Variants in KCNH1 observed in about 807,000 individuals in gnomAD.
KCNH1 encodes voltage-gated delayed rectifier potassium channel KCNH1.
A neutral mutation model predicts 69.2 loss-of-function variants in KCNH1; 27 were observed. The ratio of observed to expected loss-of-function variants is 0.39; its 90% CI spans 0.29 to 0.54. The LOEUF is 0.54. Ranked by LOEUF, KCNH1 falls within the 20% of genes least tolerant of loss-of-function variation. The probability of loss-of-function intolerance (pLI) is 0.68; values close to 1 mark genes in which losing one functional copy is unlikely to be tolerated. For missense variants in KCNH1, 798 were observed against 1,261.6 expected (o/e 0.63, Z 5.57); for synonymous variants, 456 against 487.7 (o/e 0.93, Z 0.86).
chr1:211,061,185 C>G (rs756999483), intron 5 of KCNH1, among the ~76,000 whole-genome samples: 4 of 152,076 alleles, frequency 2.6e-5, no homozygotes, highest in Non-Finnish European at 5.9e-5. Context: ...TGCTGCATAT[C>G]AACAGAATGA....
chr1:210,965,953 T>A (rs1415333042), intron 6 of KCNH1, among the ~76,000 whole-genome samples: 15 of 152,156 alleles, frequency 9.9e-5, no homozygotes, highest in Admixed American at 9.8e-4. Context: ...AGAACAAAGC[T>A]GGAGGTATCA....
intron 5 of KCNH1, among the ~76,000 whole-genome samples, chr1:211,029,539 G>C (rs907758207): frequency 6.6e-6 from 1 of 151,416 alleles, no homozygotes; most frequent in Non-Finnish European, 1.5e-5. Flanking sequence ...AATAGAAATA[G>C]AGGAGAACTT....
chr1:210,792,901 A>G (rs1230892203), intron 9 of KCNH1, among the ~76,000 whole-genome samples: 1 of 152,182 alleles, frequency 6.6e-6, no homozygotes, highest in East Asian at 1.9e-4. Flanking sequence ...TGACTCATCT[A>G]TGTTGGTGAG....
intron 10 of KCNH1, among the ~76,000 whole-genome samples, chr1:210,737,302 A>G (rs1454396975): frequency 2.0e-5 from 3 of 152,196 alleles, no homozygotes; most frequent in Non-Finnish European, 2.9e-5. Context: ...TCAGGTGCAT[A>G]ATGAAAAGGT....
At chr1:210,970,136 T>C (rs903559218) in intron 6 of KCNH1, among the ~76,000 whole-genome samples, 6 of 151,942 alleles carry the variant, frequency 3.9e-5, no homozygotes, top group African/African-American at 1.4e-4. Flanking sequence ...CCAGGATACA[T>C]GTGCAGAATG....
intron 7 of KCNH1, among the ~76,000 whole-genome samples, chr1:210,911,033 T>C (rs1229732659): frequency 6.6e-6 from 1 of 152,046 alleles, no homozygotes; most frequent in African/African-American, 2.4e-5. Flanking sequence ...AAGTTAACTG[T>C]GGAGAAAATA....
intron 7 of KCNH1, among the ~76,000 whole-genome samples, chr1:210,910,262 G>T (rs61262114): frequency 0.016 from 2,183 of 138,780 alleles, 70 homozygotes; most frequent in African/African-American, 0.057. Flanking sequence ...ACAGTCAGAG[G>T]TGGTCATCAA....
intron 7 of KCNH1, among the ~76,000 whole-genome samples, chr1:210,819,624 A>G (rs1684885958): frequency 6.6e-6 from 1 of 152,140 alleles, no homozygotes; most frequent in Non-Finnish European, 1.5e-5. Context: ...ACAGCATTCA[A>G]TTTGTATTTA....
intron 5 of KCNH1, among the ~76,000 whole-genome samples, chr1:211,080,972 T>C (rs1418218206): frequency 2.6e-5 from 4 of 151,848 alleles, no homozygotes; most frequent in Admixed American, 2.6e-4. Flanking sequence ...CAAATGAGAT[T>C]TAATTAAACT....
At chr1:210,891,155 G>A (rs759615799) in intron 7 of KCNH1, among the ~76,000 whole-genome samples, 1 of 152,140 alleles carries the variant, frequency 6.6e-6, no homozygotes, top group Admixed American at 6.5e-5. Context: ...GTCCATCAAT[G>A]ATAGACTGGA....
intron 7 of KCNH1, among the ~76,000 whole-genome samples, chr1:210,897,277 T>C (rs1289395878): frequency 3.3e-5 from 5 of 152,220 alleles, no homozygotes; most frequent in East Asian, 1.9e-4. Flanking sequence ...AATCCTCTTA[T>C]CTAAGAGCAG....
At chr1:210,992,679 C>T (rs1373045626) in intron 6 of KCNH1, among the ~76,000 whole-genome samples, 1 of 152,084 alleles carries the variant, frequency 6.6e-6, no homozygotes, top group East Asian at 1.9e-4. Context: ...TGTTACCATG[C>T]TATTTGTTGC....
chr1:210,926,784 A>G (rs1687583995), intron 6 of KCNH1, among the ~76,000 whole-genome samples: 1 of 152,176 alleles, frequency 6.6e-6, no homozygotes, highest in Non-Finnish European at 1.5e-5. Context: ...GCACCAGAGA[A>G]AGGTGAAGTC....
At chr1:210,949,872 T>C (rs116499147) in intron 6 of KCNH1, among the ~76,000 whole-genome samples, 39 of 152,308 alleles carry the variant, frequency 2.6e-4, no homozygotes, top group African/African-American at 8.4e-4. Context: ...GATAACATTA[T>C]ACGAAGATGC....
At chr1:210,700,352 C>A (rs1681743537) in intron 10 of KCNH1, among the ~76,000 whole-genome samples, 1 of 152,106 alleles carries the variant, frequency 6.6e-6, no homozygotes, top group Non-Finnish European at 1.5e-5. Flanking sequence ...TATGGAGTGT[C>A]CGAGCCAGCT....
intron 5 of KCNH1, among the ~76,000 whole-genome samples, chr1:211,039,096 T>C (rs577033433): frequency 2.5e-4 from 38 of 152,150 alleles, no homozygotes; most frequent in Non-Finnish European, 4.6e-4. Flanking sequence ...CCCTGTGCTG[T>C]GTGCAGCCTA....
At chr1:210,793,207 T>C (rs1415237253) in intron 9 of KCNH1, among the ~76,000 whole-genome samples, 1 of 152,106 alleles carries the variant, frequency 6.6e-6, no homozygotes, top group Non-Finnish European at 1.5e-5. Context: ...AAGGGAAAGA[T>C]CATAAGAGAT....
intron 10 of KCNH1, among the ~76,000 whole-genome samples, chr1:210,734,222 A>T (rs1420575945): frequency 6.6e-6 from 1 of 152,184 alleles, no homozygotes; most frequent in African/African-American, 2.4e-5. Context: ...ACGGCAATTG[A>T]TTTCATGAAA....
intron 7 of KCNH1, among the ~76,000 whole-genome samples, chr1:210,899,102 G>A (rs912124310): frequency 6.6e-6 from 1 of 152,136 alleles, no homozygotes; most frequent in Admixed American, 6.5e-5. Flanking sequence ...GTGTGACCAG[G>A]AACTCTAGAG....
Sources: gnomAD v4.1 joint callset for allele counts (sites outside exome capture counted in the v4.1 genomes callset) on GRCh38, gnomAD v4.1.1 for gene constraint, MANE v1.5 for transcripts, NCBI Gene and HGNC (gene_info 2026-07-23, HGNC 2026-07-21) for gene names.